The following PRKACB variants were observed in gnomAD, a reference collection of about 807,000 sequenced individuals.
PRKACB encodes the protein protein kinase cAMP-activated catalytic subunit beta, also known as cAMP-dependent protein kinase catalytic subunit beta.
Under a neutral mutation model 51.4 loss-of-function variants are expected in PRKACB, and 16 were observed. That is an observed-to-expected ratio of 0.31 (90% confidence interval 0.21 to 0.47). The LOEUF (loss-of-function observed/expected upper bound fraction) is 0.47, where lower values mean the gene tolerates loss of function less well. PRKACB is among the 20% of genes least tolerant of loss of function. The probability of loss-of-function intolerance (pLI) is 1.00; values close to 1 mark genes in which losing one functional copy is unlikely to be tolerated. For synonymous variants in PRKACB, 147 were observed against 154.4 expected, an observed-to-expected ratio of 0.95 and a Z score of 0.35; for missense variants, 309 against 464.5, an observed-to-expected ratio of 0.67 and a Z score of 3.08.
At chr1:84,139,040 A>G (rs1231813782) in intron 1 of PRKACB, among the ~76,000 whole-genome samples, 2 of 152,180 alleles carry the variant, frequency 1.3e-5, no homozygotes, top group African/African-American at 4.8e-5. Flanking sequence ...TGTTATCTCA[A>G]TAAGGGGCAT....
chr1:84,097,936 A>G (rs1196362761), intron 1 of PRKACB, among the ~76,000 whole-genome samples: 1 of 152,102 alleles, frequency 6.6e-6, no homozygotes, highest in African/African-American at 2.4e-5. Context: ...CTAATCTCTT[A>G]CAGAAACATT....
chr1:84,211,237 C>G (rs1017532235), intron 8 of PRKACB, among the ~76,000 whole-genome samples: 19 of 152,008 alleles, frequency 1.2e-4, no homozygotes, highest in African/African-American at 4.6e-4. Context: ...TCATGCATTC[C>G]ACTGCATATT....
chr1:84,104,408 A>C (rs1220519085), intron 1 of PRKACB, among the ~76,000 whole-genome samples: 1 of 152,066 alleles, frequency 6.6e-6, no homozygotes, highest in Admixed American at 6.6e-5. Flanking sequence ...GGTTGATTCC[A>C]TATCTTGATT....
intron 1 of PRKACB, among the ~76,000 whole-genome samples, chr1:84,109,968 T>C (rs1389168201): frequency 2.0e-5 from 3 of 151,944 alleles, no homozygotes; most frequent in Non-Finnish European, 2.9e-5. Context: ...GTTTTATGGC[T>C]TTTGCCTTTG....
chr1:84,146,692 A>G (rs1654138762), intron 1 of PRKACB, among the ~76,000 whole-genome samples: 1 of 152,014 alleles, frequency 6.6e-6, no homozygotes, highest in African/African-American at 2.4e-5. Flanking sequence ...TAGAAACTAC[A>G]TCAATTTACA....
At chr1:84,109,614 T>C (rs771592386) in intron 1 of PRKACB, among the ~76,000 whole-genome samples, 9 of 151,916 alleles carry the variant, frequency 5.9e-5, no homozygotes, top group African/African-American at 4.8e-5. Flanking sequence ...CCATACACGA[T>C]TGAAAAATAA....
chr1:84,086,477 A>G (rs1014818325), intron 1 of PRKACB, among the ~76,000 whole-genome samples: 13 of 152,132 alleles, frequency 8.5e-5, no homozygotes, highest in Admixed American at 3.9e-4. Flanking sequence ...CTCAAGATGC[A>G]TAGAGAGAGC....
chr1:84,100,033 C>T (rs1415436097), intron 1 of PRKACB, among the ~76,000 whole-genome samples: 1 of 152,072 alleles, frequency 6.6e-6, no homozygotes, highest in Non-Finnish European at 1.5e-5. Flanking sequence ...TGTAAAGATA[C>T]GAGACTGGGT....
At chr1:84,165,625 A>G (rs190274039) in intron 1 of PRKACB, among the ~76,000 whole-genome samples, 10 of 151,924 alleles carry the variant, frequency 6.6e-5, no homozygotes, top group Admixed American at 4.0e-4. Context: ...ACTTGTGACA[A>G]CTAGTCTTTT....
chr1:84,199,266 T>A (rs188564344), intron 7 of PRKACB, among the ~76,000 whole-genome samples: 49 of 151,982 alleles, frequency 3.2e-4, no homozygotes, highest in African/African-American at 1.1e-3. Context: ...TTAAGCCCAG[T>A]ACCCATAGTT....
chr1:84,173,320 T>C (rs1378233946), intron 1 of PRKACB: 23 of 1,567,516 alleles, frequency 1.5e-5, no homozygotes, highest in Middle Eastern at 1.7e-4. Context: ...TTTATTCTTT[T>C]TGATCAAGCA....
At chr1:84,164,614 G>T in intron 1 of PRKACB, 1 of 1,368,944 alleles carries the variant, frequency 7.3e-7, no homozygotes, top group Non-Finnish European at 9.6e-7. Flanking sequence ...GATAATTCTG[G>T]TCTAATGTTG....
chr1:84,183,985 A>G, intron 3 of PRKACB, 52 bp from the exon 4 acceptor site: 3 of 1,453,304 alleles, frequency 2.1e-6, no homozygotes, highest in African/African-American at 1.5e-5. Flanking sequence ...TTAAATGATA[A>G]CTTTTTAATT....
chr1:84,104,745 A>G (rs1027222036), intron 1 of PRKACB, among the ~76,000 whole-genome samples: 1 of 152,220 alleles, frequency 6.6e-6, no homozygotes, highest in Non-Finnish European at 1.5e-5. Context: ...GGCCATTTGT[A>G]TGTAGAACCA....
chr1:84,153,020 C>T (rs1655023880), intron 1 of PRKACB, among the ~76,000 whole-genome samples: 1 of 151,996 alleles, frequency 6.6e-6, no homozygotes, highest in South Asian at 2.1e-4. Flanking sequence ...TTCGTCTGAA[C>T]ACTAAGAGGC....
At chr1:84,088,960 T>C (rs1648240654) in intron 1 of PRKACB, among the ~76,000 whole-genome samples, 1 of 152,200 alleles carries the variant, frequency 6.6e-6, no homozygotes, top group African/African-American at 2.4e-5. Context: ...TGAGATCATC[T>C]TGGGAAATAG....
At chr1:84,117,399 T>C (rs574971959) in intron 1 of PRKACB, among the ~76,000 whole-genome samples, 1 of 152,306 alleles carries the variant, frequency 6.6e-6, no homozygotes, top group African/African-American at 2.4e-5. Flanking sequence ...TTAGTACATT[T>C]GGTAGAATTC....
intron 7 of PRKACB, among the ~76,000 whole-genome samples, chr1:84,201,070 A>G (rs1019081795): frequency 2.0e-5 from 3 of 152,130 alleles, no homozygotes; most frequent in Admixed American, 6.6e-5. Context: ...ATATATTCCC[A>G]GAAGTAGAAT....
intron 1 of PRKACB, among the ~76,000 whole-genome samples, chr1:84,148,006 T>C (rs1654337383): frequency 6.6e-6 from 1 of 152,146 alleles, no homozygotes; most frequent in Non-Finnish European, 1.5e-5. Flanking sequence ...CAGGATAAGT[T>C]AACTTACTTT....
Sources: gnomAD v4.1 joint callset for allele counts (sites outside exome capture counted in the v4.1 genomes callset) on GRCh38, gnomAD v4.1.1 for gene constraint, MANE v1.5 for transcripts, NCBI Gene and HGNC (gene_info 2026-07-23, HGNC 2026-07-21) for gene names.